FHIT: variants seen among roughly 807,000 people sequenced by gnomAD.
FHIT encodes bis(5'-adenosyl)-triphosphatase.
FHIT carries 19 observed loss-of-function variants against 17.9 expected under a neutral mutation model. The observed-to-expected ratio is 1.06, with a 90% confidence interval of 0.74 to 1.56. The LOEUF (loss-of-function observed/expected upper bound fraction) is 1.56. FHIT is among the 40% of genes most tolerant of loss of function. FHIT has a pLI of 0.00. For synonymous variants in FHIT, 81 were observed against 69.7 expected (o/e 1.16, Z -0.81); for missense variants, 248 against 189.2 (o/e 1.31, Z -1.82).
intron 4 of FHIT, among the ~76,000 whole-genome samples, chr3:60,668,371 G>GGA (rs2040428805): frequency 1.5e-5 from 1 of 68,030 alleles, no homozygotes; most frequent in Non-Finnish European, 2.7e-5. Context: ...GCTCAATCAG[G>GGA]AAAAAAAAAA....
chr3:59,869,574 C>T (rs56773393), intron 8 of FHIT, among the ~76,000 whole-genome samples: 2,780 of 143,172 alleles, frequency 0.019, 33 homozygotes, highest in African/African-American at 0.026. Flanking sequence ...CTCTGCCTCC[C>T]GGGTTCACGC....
chr3:61,110,849 G>A (rs1445585264), intron 2 of FHIT, among the ~76,000 whole-genome samples: 1 of 151,928 alleles, frequency 6.6e-6, no homozygotes, highest in Admixed American at 6.6e-5. Flanking sequence ...CTTTACTCTT[G>A]AAAAAAAGCT....
chr3:60,311,509 A>T (rs1239738179), intron 5 of FHIT, among the ~76,000 whole-genome samples: 1 of 152,200 alleles, frequency 6.6e-6, no homozygotes, highest in South Asian at 2.1e-4. Context: ...CAAACACAAG[A>T]CTGCTTAATA....
In FHIT at chr3:61,175,212, A is replaced by C. The variant is rs181139014; in HGVS notation, c.-164+25405T>G. ...AACAATAACAAAAAACAACAAAAAT[A>C]AGCAACCAAAAATAATTAACAGTAG... On this transcript the variant is annotated intron_variant, in intron 2 of 9. Coordinates refer to ENST00000492590, the MANE Select transcript of FHIT (RefSeq NM_002012.4). 3.9e-5 allele frequency among the ~76,000 whole-genome samples: 6 copies of C among 152,286 alleles called. 1 individual carries two copies. The highest frequency in any genetic ancestry group is 3.9e-4 in the Admixed American group (6 of 15,294).
At chr3:60,778,214 A>T (rs537805295) in intron 4 of FHIT, among the ~76,000 whole-genome samples, 37 of 152,346 alleles carry the variant, frequency 2.4e-4, no homozygotes, top group African/African-American at 8.4e-4. Flanking sequence ...ATGTTAAGTT[A>T]TAGTAAACCA....
intron 7 of FHIT, among the ~76,000 whole-genome samples, chr3:59,987,026 T>A (rs562232628): frequency 1.4e-4 from 15 of 108,396 alleles, no homozygotes; most frequent in South Asian, 5.8e-4. Flanking sequence ...AAAATAAAAA[T>A]ATAAAATATA....
chr3:60,089,710 G>A (rs1325979676), intron 5 of FHIT, among the ~76,000 whole-genome samples: 1 of 152,156 alleles, frequency 6.6e-6, no homozygotes, highest in Non-Finnish European at 1.5e-5. Context: ...ACAGATCTGG[G>A]AAATCCAAGA....
intron 5 of FHIT, among the ~76,000 whole-genome samples, chr3:60,121,043 T>C (rs1327208247): frequency 1.3e-5 from 2 of 152,112 alleles, no homozygotes; most frequent in Admixed American, 6.5e-5. Flanking sequence ...AAAAGATAAT[T>C]AAAGAATCAT....
intron 8 of FHIT, among the ~76,000 whole-genome samples, chr3:59,785,598 C>T (rs1388548057): frequency 6.6e-6 from 1 of 152,096 alleles, no homozygotes; most frequent in Non-Finnish European, 1.5e-5. Context: ...GGATTACAGG[C>T]GTGAGCCACT....
intron 5 of FHIT, among the ~76,000 whole-genome samples, chr3:60,163,883 T>C (rs1033036591): frequency 1.3e-5 from 2 of 152,124 alleles, no homozygotes; most frequent in Non-Finnish European, 2.9e-5. Context: ...AGAATCACTT[T>C]CCTTATCTTC....
intron 5 of FHIT, among the ~76,000 whole-genome samples, chr3:60,527,069 T>C (rs940131893): frequency 2.6e-5 from 4 of 152,190 alleles, no homozygotes; most frequent in East Asian, 3.9e-4. Flanking sequence ...TGTCCCCACA[T>C]GTCAGCATTC....
chr3:60,218,190 G>A (rs1703787767), intron 5 of FHIT, among the ~76,000 whole-genome samples: 2 of 152,044 alleles, frequency 1.3e-5, no homozygotes, highest in African/African-American at 4.8e-5. Flanking sequence ...TTCTGAGATC[G>A]AAAAGTTTAA....
At chr3:60,220,589 A>C (rs540592122) in intron 5 of FHIT, among the ~76,000 whole-genome samples, 1 of 152,256 alleles carries the variant, frequency 6.6e-6, no homozygotes, top group East Asian at 1.9e-4. Flanking sequence ...CAGCAGAAAA[A>C]ATTAAGCACA....
At chr3:61,204,750 G>A (rs1346345590) in intron 1 of FHIT, among the ~76,000 whole-genome samples, 2 of 152,114 alleles carry the variant, frequency 1.3e-5, no homozygotes, top group Non-Finnish European at 2.9e-5. Context: ...AAAAAAAGCT[G>A]ACGGAATAAG....
At chr3:60,592,468 T>G (rs527742291) in intron 4 of FHIT, among the ~76,000 whole-genome samples, 1 of 152,180 alleles carries the variant, frequency 6.6e-6, no homozygotes, top group African/African-American at 2.4e-5. Context: ...AGACCAGAAC[T>G]TGTCTGGCCA....
intron 7 of FHIT, among the ~76,000 whole-genome samples, chr3:59,972,206 A>G (rs1432426311): frequency 6.6e-6 from 1 of 152,132 alleles, no homozygotes; most frequent in Non-Finnish European, 1.5e-5. Flanking sequence ...GAACATATAA[A>G]GTAAATACTC....
At chr3:61,035,026 A>G (rs2033175530) in intron 3 of FHIT, among the ~76,000 whole-genome samples, 1 of 152,220 alleles carries the variant, frequency 6.6e-6, no homozygotes, top group Non-Finnish European at 1.5e-5. Flanking sequence ...ATGCCAAGTG[A>G]AAGAAACAAG....
At chr3:60,021,824 A>G (rs1052510241) in intron 5 of FHIT, among the ~76,000 whole-genome samples, 2 of 152,216 alleles carry the variant, frequency 1.3e-5, no homozygotes, top group Non-Finnish European at 2.9e-5. Flanking sequence ...TATAATACCT[A>G]CTGCAGTGTT....
At chr3:60,082,476 T>C (rs1042549871) in intron 5 of FHIT, among the ~76,000 whole-genome samples, 1 of 152,122 alleles carries the variant, frequency 6.6e-6, no homozygotes, top group Admixed American at 6.6e-5. Flanking sequence ...TTTCTTTTCT[T>C]TTGAATATAT....
Sources: allele counts gnomAD v4.1 joint callset (sites outside exome capture counted in the v4.1 genomes callset), GRCh38; gene constraint gnomAD v4.1.1; transcripts MANE v1.5; gene names NCBI Gene and HGNC (gene_info 2026-07-23, HGNC 2026-07-21).